Variants in PLXDC2 observed in about 807,000 individuals in gnomAD.
The protein encoded by PLXDC2 is plexin domain-containing protein 2.
Under a neutral mutation model 68.9 loss-of-function variants are expected in PLXDC2, and 40 were observed. That is an observed-to-expected ratio of 0.58 (90% CI 0.45 to 0.76). The LOEUF (loss-of-function observed/expected upper bound fraction) is 0.76, where lower values mean the gene tolerates loss of function less well. PLXDC2 is among the 30% of genes least tolerant of loss of function. The pLI, the probability that PLXDC2 is intolerant of heterozygous loss-of-function variation, is 0.00. For missense variants in PLXDC2, 644 were observed against 661.9 expected (o/e 0.97, Z 0.30); for synonymous variants, 243 against 234.2 (o/e 1.04, Z -0.34).
intron 4 of PLXDC2, among the ~76,000 whole-genome samples, chr10:20,079,678 C>T (rs1036251579): frequency 6.6e-6 from 1 of 152,130 alleles, no homozygotes; most frequent in Non-Finnish European, 1.5e-5. Context: ...CAAACTAACA[C>T]AGGAACAGAA....
At position 20,128,660 on chromosome 10, in the gene PLXDC2, A is replaced by G. The variant is rs527495446; in HGVS notation, c.542-14635A>G. Among the ~76,000 whole-genome samples the G allele has an allele frequency of 4.6e-5, 7 of 152,190 alleles. No individual in the cohort carries two copies. In the East Asian group the frequency reaches 1.4e-3, roughly 29 times the overall value. ...CCCTTTAGCCAATGTGTCCGTGTTT[A>G]CCCTATCCCCCCACTTCTAGCAGCC... is the stretch of plus-strand genomic sequence containing the variant. On this transcript the variant is annotated intron_variant, in intron 4 of 13. Transcript: ENST00000377252.
chr10:20,205,819 C>T (rs1483062643), intron 9 of PLXDC2, among the ~76,000 whole-genome samples: 1 of 151,890 alleles, frequency 6.6e-6, no homozygotes, highest in Non-Finnish European at 1.5e-5. Context: ...AGGAAACAGG[C>T]TTAGAAAGGG....
chr10:19,856,785 T>C (rs1205192191), intron 1 of PLXDC2, among the ~76,000 whole-genome samples: 2 of 152,242 alleles, frequency 1.3e-5, no homozygotes, highest in African/African-American at 4.8e-5. Flanking sequence ...GACTTTTTAT[T>C]TATTTTCCAT....
intron 4 of PLXDC2, among the ~76,000 whole-genome samples, chr10:20,073,937 T>C (rs919702496): frequency 6.6e-6 from 1 of 152,124 alleles, no homozygotes; most frequent in Non-Finnish European, 1.5e-5. Context: ...TTTACCTGAG[T>C]CCGTCATGGG....
intron 3 of PLXDC2, among the ~76,000 whole-genome samples, chr10:20,065,416 G>A (rs1047658725): frequency 6.6e-6 from 1 of 152,280 alleles, no homozygotes; most frequent in Admixed American, 6.5e-5. Context: ...GGAGTGATAT[G>A]CTAGGTAATA....
intron 9 of PLXDC2, among the ~76,000 whole-genome samples, chr10:20,195,446 C>T (rs1834825076): frequency 6.6e-6 from 1 of 152,060 alleles, no homozygotes; most frequent in South Asian, 2.1e-4. Flanking sequence ...GGGTGCAAAT[C>T]AAAGCTGTTT....
chr10:19,927,106 T>A (rs545876315), intron 1 of PLXDC2, among the ~76,000 whole-genome samples: 1 of 152,208 alleles, frequency 6.6e-6, no homozygotes, highest in Admixed American at 6.5e-5. Context: ...ATTTATTTAT[T>A]CAGTAGTCAT....
At chr10:19,932,165 C>T (rs531081542) in intron 1 of PLXDC2, among the ~76,000 whole-genome samples, 2 of 152,142 alleles carry the variant, frequency 1.3e-5, no homozygotes, top group South Asian at 2.1e-4. Context: ...CTATTTTTGT[C>T]GAAATGTTGA....
At position 20,126,333 on chromosome 10, in the gene PLXDC2, G is replaced by A. The variant is rs183388214; in HGVS notation, c.542-16962G>A. Among the ~76,000 whole-genome samples, 656 of 138,388 alleles carry A rather than the reference G, an allele frequency of 4.7e-3. 26 individuals carry two copies. The highest frequency in any genetic ancestry group is 7.0e-3 in the Non-Finnish European group (460 of 65,806). The allele number at this position is 138,388 out of a possible 152,430, so 90.8% of individuals were successfully genotyped here. On this transcript the variant is annotated intron_variant, in intron 4 of 13. Transcript: ENST00000377252. ...TACGTTATATAATATATACATATAC[G>A]TTATATAATACATATATACATATGT...
chr10:19,970,540 A>G (rs1834332653), intron 1 of PLXDC2, among the ~76,000 whole-genome samples: 1 of 152,238 alleles, frequency 6.6e-6, no homozygotes, highest in Admixed American at 6.5e-5. Context: ...GCTGTTGCTA[A>G]CTGCAAAGCA....
In PLXDC2 at chr10:20,212,605, G is replaced by A. The variant is rs1050581335; in HGVS notation, c.1122+876G>A. 4.6e-5 allele frequency among the ~76,000 whole-genome samples: 7 copies of A among 152,132 alleles called. No homozygotes were observed. In the South Asian group the frequency reaches 8.3e-4, roughly 18 times the overall value. On this transcript the variant is annotated intron_variant, in intron 10 of 13. Transcript: ENST00000377252. ...ACAAAAGTTTAGCAAAGCAAGCCAT[G>A]CCAAAATGCTGTTTTAAAAACTATT...
intron 12 of PLXDC2, among the ~76,000 whole-genome samples, chr10:20,222,853 A>G (rs1835231771): frequency 6.6e-6 from 1 of 152,180 alleles, no homozygotes; most frequent in Admixed American, 6.5e-5. Context: ...AATTAAAAAG[A>G]AGATCTTATG....
intron 12 of PLXDC2, among the ~76,000 whole-genome samples, chr10:20,228,776 A>C (rs1341839061): frequency 6.6e-6 from 1 of 152,142 alleles, no homozygotes; most frequent in African/African-American, 2.4e-5. Flanking sequence ...GCAAGAAAAC[A>C]GAAAAGTTTG....
intron 1 of PLXDC2, among the ~76,000 whole-genome samples, chr10:19,983,814 C>T (rs181190447): frequency 2.6e-5 from 4 of 152,102 alleles, no homozygotes; most frequent in African/African-American, 7.2e-5. Context: ...TTGGACCTCC[C>T]GAGTCAGATC....
At chr10:20,196,397 G>A (rs955389290) in intron 9 of PLXDC2, among the ~76,000 whole-genome samples, 1 of 152,072 alleles carries the variant, frequency 6.6e-6, no homozygotes, top group African/African-American at 2.4e-5. Context: ...AGCACTTCTC[G>A]ACCTGTGCTA....
At chr10:20,154,513 G>A (rs982399997) in intron 6 of PLXDC2, among the ~76,000 whole-genome samples, 1 of 149,976 alleles carries the variant, frequency 6.7e-6, no homozygotes, top group East Asian at 1.9e-4. Context: ...GCACTGAGCA[G>A]AGATCATGCC....
chr10:20,193,511 G>A (rs748423020), intron 9 of PLXDC2, among the ~76,000 whole-genome samples: 3 of 152,030 alleles, frequency 2.0e-5, no homozygotes, highest in Admixed American at 6.6e-5. Flanking sequence ...TAATGGAGAT[G>A]ATTTTGAAGG....
intron 1 of PLXDC2, among the ~76,000 whole-genome samples, chr10:19,931,938 C>T (rs989869517): frequency 7.9e-6 from 1 of 126,568 alleles, no homozygotes; most frequent in Non-Finnish European, 1.7e-5. Context: ...CAGGAAATAT[C>T]TTCTAATTTG....
At chr10:20,096,341 C>T (rs556489419) in intron 4 of PLXDC2, among the ~76,000 whole-genome samples, 3 of 151,354 alleles carry the variant, frequency 2.0e-5, no homozygotes, top group Admixed American at 6.6e-5. Flanking sequence ...AATAAAATCA[C>T]GCTGAAAGAA....
Sources: allele counts gnomAD v4.1 joint callset (sites outside exome capture counted in the v4.1 genomes callset), GRCh38; gene constraint gnomAD v4.1.1; transcripts MANE v1.5; gene names NCBI Gene and HGNC (gene_info 2026-07-23, HGNC 2026-07-21).